RYR2: variants seen among roughly 807,000 people sequenced by gnomAD.
The protein encoded by RYR2 is ryanodine receptor 2.
A neutral mutation model predicts 601.1 loss-of-function variants in RYR2; 227 were observed. The observed-to-expected ratio is 0.38, with a 90% CI of 0.34 to 0.42. The LOEUF (loss-of-function observed/expected upper bound fraction) is 0.42. Ranked by LOEUF, RYR2 falls within the 10% of genes least tolerant of loss-of-function variation. RYR2 has a pLI of 1.00. For missense variants in RYR2, 4,646 were observed against 6,156.5 expected (o/e 0.75, Z 8.21); for synonymous variants, 2,223 against 2,175.1 (o/e 1.02, Z -0.61).
At chr1:237,535,484 T>TAC (rs58146773) in intron 25 of RYR2, among the ~76,000 whole-genome samples, 40,269 of 144,498 alleles carry the variant, frequency 0.28, 5,291 homozygotes, top group Admixed American at 0.33. Context: ...CAAACACACA[T>TAC]ACACACACAC....
intron 96 of RYR2, among the ~76,000 whole-genome samples, chr1:237,796,546 A>G (rs1269521227): frequency 6.6e-6 from 1 of 152,112 alleles, no homozygotes; most frequent in African/African-American, 2.4e-5. Context: ...AATTTACTTG[A>G]TTGCATACAT....
Position 237,680,516 on chromosome 1 carries a change from G to A in RYR2, c.8956G>A (p.Ala2986Thr), listed in dbSNP as rs745482544. The A allele has an allele frequency of 5.0e-6, 8 of 1,598,992 alleles. No homozygotes were observed. The highest frequency in any genetic ancestry group is 6.9e-6 in the Non-Finnish European group (8 of 1,167,536). ...KNHRLYFLSA[A>T]SRPLCSGGHA... is the part of the protein sequence containing the mutation. The stretch of plus-strand genomic sequence containing the variant: ...CCATCGTTTATACTTCTTATCTGCA[G>A]CAAGCAGACCTCTCTGCTCTGGAGG... Residue 2986 changes from alanine (A) to threonine (T), a missense_variant, in exon 62 of 105, where the codon GCA becomes ACA. This residue lies in a region of RYR2 where 1,497 missense variants were observed against 1,842.6 expected (regional missense o/e 0.81). Coordinates refer to ENST00000366574, the MANE Select transcript of RYR2 (RefSeq NM_001035.3).
At chr1:237,107,482 T>C (rs1390989368) in intron 1 of RYR2, among the ~76,000 whole-genome samples, 1 of 114,276 alleles carries the variant, frequency 8.8e-6, no homozygotes, top group Non-Finnish European at 1.7e-5. Flanking sequence ...ATCGCACCAC[T>C]GCACTCCAGC....
At chr1:237,398,507 G>T (rs2149913349) in intron 10 of RYR2, among the ~76,000 whole-genome samples, 1 of 152,264 alleles carries the variant, frequency 6.6e-6, no homozygotes, top group South Asian at 2.1e-4. Flanking sequence ...ATAGAAATAT[G>T]TTCAGCATTA....
At chr1:237,558,589 AT>A (rs1671141993) in intron 27 of RYR2, among the ~76,000 whole-genome samples, 1 of 152,066 alleles carries the variant, frequency 6.6e-6, no homozygotes, top group South Asian at 2.1e-4. Context: ...TCTAGTTTTA[AT>A]TTCTTTGAGT....
intron 25 of RYR2, among the ~76,000 whole-genome samples, chr1:237,540,375 A>G (rs1217585988): frequency 1.3e-5 from 2 of 152,188 alleles, no homozygotes; most frequent in East Asian, 3.8e-4. Context: ...TATGAAATCA[A>G]CACAAAACAC....
chr1:237,598,820 C>T (rs1676174458), intron 34 of RYR2, among the ~76,000 whole-genome samples: 2 of 151,980 alleles, frequency 1.3e-5, no homozygotes, highest in South Asian at 4.1e-4. Context: ...AATAACGAAA[C>T]AGAGACTAAA....
At chr1:237,817,945 T>C (rs1179998689) in intron 100 of RYR2, among the ~76,000 whole-genome samples, 1 of 152,084 alleles carries the variant, frequency 6.6e-6, no homozygotes, top group Non-Finnish European at 1.5e-5. Flanking sequence ...ATTTAGGCCC[T>C]ACAGGATGAG....
chr1:237,569,005 A>C lies in RYR2; in HGVS notation c.3424-140A>C, dbSNP rs574296183. 7 of 606,084 alleles carry C rather than the reference A, an allele frequency of 1.2e-5. No homozygotes were observed. In the East Asian group the frequency reaches 1.4e-4, roughly 12 times the overall value. 37.5% of individuals were successfully genotyped at this position (606,084 alleles called of 1,614,324 possible). A position where few individuals can be genotyped will look rare whatever the true frequency, so the allele number is the denominator to read the frequency against. On this transcript the variant is annotated intron_variant, in intron 28 of 104. Transcript: ENST00000366574. ...AGCTCCATTTTGCTTAGGACATTGC[A>C]GTAGACCGATATGCCAGCTGGAGTT...
At position 237,083,016 on chromosome 1, in the gene RYR2, A is replaced by G. The variant is rs565715323; in HGVS notation, c.48+40447A>G. 7.2e-5 allele frequency among the ~76,000 whole-genome samples: 11 copies of G among 152,332 alleles called. No homozygotes were observed. In the South Asian group the frequency reaches 2.3e-3, roughly 32 times the overall value. On this transcript the variant is annotated intron_variant, in intron 1 of 104. Transcript: ENST00000366574. Reference sequence around the variant, plus strand: ...CACTTTCTTCTTTATAAATGTTTATAGTGACTTGTTGCCCGTTCAGAATTA... The same window carrying G: ...CACTTTCTTCTTTATAAATGTTTATGGTGACTTGTTGCCCGTTCAGAATTA...
intron 35 of RYR2, among the ~76,000 whole-genome samples, chr1:237,608,575 G>A (rs1324737274): frequency 5.3e-5 from 8 of 152,028 alleles, no homozygotes; most frequent in African/African-American, 1.9e-4. Flanking sequence ...GGTGGTGCAC[G>A]CCTTTAGTCC....
chr1:237,349,284 C>T (rs1299316011), intron 3 of RYR2, among the ~76,000 whole-genome samples: 1 of 152,122 alleles, frequency 6.6e-6, no homozygotes, highest in African/African-American at 2.4e-5. Flanking sequence ...AATCAGAAGA[C>T]AAAGGCATGA....
chr1:237,136,924 G>A (rs962299325), intron 1 of RYR2, among the ~76,000 whole-genome samples: 2 of 151,082 alleles, frequency 1.3e-5, no homozygotes, highest in African/African-American at 4.9e-5. Flanking sequence ...GGCTGAGGCA[G>A]GAGAATTGCT....
At chr1:237,437,646 C>T (rs570791147) in intron 12 of RYR2, among the ~76,000 whole-genome samples, 1 of 152,234 alleles carries the variant, frequency 6.6e-6, no homozygotes, top group South Asian at 2.1e-4. Context: ...GCCAACATTT[C>T]CCTGATAGTG....
At chr1:237,735,967 CTG>C (rs1475365582) in intron 79 of RYR2, among the ~76,000 whole-genome samples, 1 of 152,110 alleles carries the variant, frequency 6.6e-6, no homozygotes, top group Non-Finnish European at 1.5e-5. Context: ...AAACATAAAA[CTG>C]TATGTTTAAA....
At position 237,206,333 on chromosome 1, in the gene RYR2, C is replaced by T. The variant is rs189684546; in HGVS notation, c.49-64164C>T. Among the ~76,000 whole-genome samples, 444 of 152,326 alleles carry T rather than the reference C, an allele frequency of 2.9e-3. 2 individuals are homozygous for T. Among genetic ancestry groups the T allele is most frequent in the African/African-American group, 0.01 (428 of 41,582 alleles). On this transcript the variant is annotated intron_variant, in intron 1 of 104. Transcript: ENST00000366574. ...CTCGGCCGAACATGAGCCTGAGCTGCTCCCTCGAAAACACTTTTATCTCTT... is the reference window on the plus strand; with the variant it reads ...CTCGGCCGAACATGAGCCTGAGCTGTTCCCTCGAAAACACTTTTATCTCTT...
intron 1 of RYR2, among the ~76,000 whole-genome samples, chr1:237,192,182 A>G (rs537728530): frequency 6.6e-6 from 1 of 152,042 alleles, no homozygotes; most frequent in Non-Finnish European, 1.5e-5. Flanking sequence ...CCAGAAAAAA[A>G]AAAAAAACAT....
chr1:237,111,826 A>G (rs1016334442), intron 1 of RYR2, among the ~76,000 whole-genome samples: 10 of 152,262 alleles, frequency 6.6e-5, no homozygotes, highest in Admixed American at 5.2e-4. Context: ...TGAGGGTTCT[A>G]GTGCAGGGAG....
chr1:237,569,376 C>T, intron 29 of RYR2, 57 bp downstream of exon 29: 4 of 1,525,260 alleles, frequency 2.6e-6, no homozygotes, highest in Non-Finnish European at 3.6e-6. Context: ...AAGCTTTCAT[C>T]CTGAGGCTTC....
Sources: allele counts gnomAD v4.1 joint callset (sites outside exome capture counted in the v4.1 genomes callset), GRCh38; gene constraint gnomAD v4.1.1; regional missense constraint gnomAD v4.1.1; transcripts MANE v1.5; gene names NCBI Gene and HGNC (gene_info 2026-07-23, HGNC 2026-07-21).